RPH3AL: variants seen among roughly 807,000 people sequenced by gnomAD.
RPH3AL encodes the protein rab effector Noc2.
A neutral mutation model predicts 43.1 loss-of-function variants in RPH3AL; 38 were observed. That is an observed-to-expected ratio of 0.88 (90% confidence interval 0.68 to 1.15). The LOEUF is 1.15. Ranked by LOEUF, RPH3AL falls within the 50% of genes most tolerant of loss-of-function variation. The pLI is 0.00. For missense variants in RPH3AL, 462 were observed against 423.2 expected, an observed-to-expected ratio of 1.09 and a Z score of -0.81; for synonymous variants, 189 against 176.3, an observed-to-expected ratio of 1.07 and a Z score of -0.57.
intron 1 of RPH3AL, among the ~76,000 whole-genome samples, chr17:340,455 TCCCCACATCCACACTCACTGCCCCCCACC>T (rs2045085414): frequency 1.5e-5 from 1 of 67,482 alleles, no homozygotes; most frequent in Admixed American, 1.8e-4. Context: ...CACCCAGGCC[TCCCCACATCCACACTCACTGCCCCCCACC>T]CAGGCCTCCC....
At chr17:309,386 T>C (rs993289996) in intron 5 of RPH3AL, among the ~76,000 whole-genome samples, 3 of 149,788 alleles carry the variant, frequency 2.0e-5, no homozygotes, top group African/African-American at 7.3e-5. Context: ...CTTAGGAAAA[T>C]GGCATGTACC....
intron 6 of RPH3AL, among the ~76,000 whole-genome samples, chr17:278,152 C>A (rs914816473): frequency 2.6e-5 from 4 of 152,114 alleles, no homozygotes; most frequent in Non-Finnish European, 4.4e-5. Context: ...GTAATTGAAT[C>A]ATGGGGGCGG....
At chr17:327,607 G>T in intron 2 of RPH3AL, 28 bp from the exon 3 acceptor site, 1 of 1,483,786 alleles carries the variant, frequency 6.7e-7, no homozygotes, top group Non-Finnish European at 9.4e-7. Context: ...AGACGAAAGA[G>T]TGTGCATCAT....
intron 5 of RPH3AL, among the ~76,000 whole-genome samples, chr17:315,502 A>C (rs1555519172): frequency 4.5e-4 from 14 of 30,978 alleles, no homozygotes; most frequent in African/African-American, 8.8e-4. Flanking sequence ...AGTCCCTGTG[A>C]CTCCACCTCC....
At chr17:272,363 C>T (rs1353180576) in intron 6 of RPH3AL, among the ~76,000 whole-genome samples, 1 of 151,966 alleles carries the variant, frequency 6.6e-6, no homozygotes, top group Non-Finnish European at 1.5e-5. Flanking sequence ...CCCAAATGTC[C>T]ATCAGTGATA....
At position 219,827 on chromosome 17, in the gene RPH3AL, C is replaced by A. The variant is rs542699867; in HGVS notation, c.614-91G>T. ...GGGACGAGGGCAGGCCTCCCCAGCT[C>A]ATTACCACGTGGCGTAGCAGCTCAG... On this transcript the variant is annotated intron_variant, in intron 7 of 9. Coordinates refer to ENST00000331302, the MANE Select transcript of RPH3AL (RefSeq NM_006987.4). 1,232 of 905,390 alleles carry A rather than the reference C, an allele frequency of 1.4e-3. 5 individuals are homozygous for A. The highest frequency in any genetic ancestry group is 2.0e-3 in the Non-Finnish European group (1,075 of 545,972). 56.1% of individuals were successfully genotyped at this position (905,390 alleles called of 1,614,324 possible).
chr17:238,262 AAG>A (rs1314024006), intron 7 of RPH3AL, among the ~76,000 whole-genome samples: 1 of 151,832 alleles, frequency 6.6e-6, no homozygotes, highest in Non-Finnish European at 1.5e-5. Context: ...GAGAGAGAGA[AAG>A]AGAAAAAGAG....
At chr17:315,072 GCTCCACCTCCA>G (rs2043899989) in intron 5 of RPH3AL, among the ~76,000 whole-genome samples, 5 of 112,894 alleles carry the variant, frequency 4.4e-5, no homozygotes, top group African/African-American at 1.0e-4. Context: ...TAGTCCCTGT[GCTCCACCTCCA>G]CTGAATTGTA....
chr17:216,637 G>T (rs1035786248), intron 8 of RPH3AL, among the ~76,000 whole-genome samples: 3 of 152,118 alleles, frequency 2.0e-5, no homozygotes, highest in Admixed American at 1.3e-4. Context: ...CCTGGAAACC[G>T]AGGCTGGCAG....
rs1449527916 is a variant in RPH3AL at position 290,026 on chromosome 17, G to A, written c.352-8172C>T. On this transcript the variant is annotated intron_variant, in intron 5 of 9. Coordinates refer to ENST00000331302, the MANE Select transcript of RPH3AL (RefSeq NM_006987.4). This position sits in a 1 kb window ranked among gnomAD's most constrained non-coding sequence, Gnocchi z 4.2. Reference sequence around the variant, plus strand: ...CACGTCTATTTCTGTTCACCCTCCTGCTCCCTGTGCCCGGCACAGTGACTA... The same window carrying A: ...CACGTCTATTTCTGTTCACCCTCCTACTCCCTGTGCCCGGCACAGTGACTA... Among the ~76,000 whole-genome samples the A allele has an allele frequency of 6.6e-6, 1 of 152,192 alleles. No individual in the cohort carries two copies. The highest frequency in any genetic ancestry group is 1.5e-5 in the Non-Finnish European group (1 of 68,044).
At position 245,289 on chromosome 17, in the gene RPH3AL, GTGTGTGTGTGGA is replaced by G. The variant is rs760833540; in HGVS notation, c.613+1810_613+1821del. 8.6e-5 allele frequency among the ~76,000 whole-genome samples: 13 copies of G among 150,764 alleles called. No homozygotes were observed. The highest frequency in any genetic ancestry group is 1.5e-4 in the African/African-American group (6 of 41,032). On this transcript the variant is annotated intron_variant, in intron 7 of 9. Transcript: ENST00000331302. This position sits in a 1 kb window ranked among gnomAD's most constrained non-coding sequence, Gnocchi z 5.9. ...TGGATGTCAGTGTGTGTGTACGTGG[GTGTGTGTGTGGA>G]TGTGTGTGTGGATGTGGATGTCAGT...
intron 1 of RPH3AL, among the ~76,000 whole-genome samples, chr17:351,580 C>T (rs1203693770): frequency 2.0e-5 from 3 of 152,158 alleles, no homozygotes; most frequent in African/African-American, 7.2e-5. Flanking sequence ...TTCCATGAGC[C>T]TCTCTTTTTC....
intron 7 of RPH3AL, among the ~76,000 whole-genome samples, chr17:238,333 G>A (rs374992911): frequency 2.6e-5 from 4 of 152,026 alleles, no homozygotes; most frequent in East Asian, 1.9e-4. Context: ...GAGAGAAAGA[G>A]AAAAAGAGAG....
At chr17:341,047 C>A (rs556479534) in intron 1 of RPH3AL, 2 of 59,948 alleles carry the variant, frequency 3.3e-5, no homozygotes, top group African/African-American at 9.5e-5. Context: ...TCCACACTCA[C>A]TGCCCCTGCC....
chr17:302,202 GGGAGGAAACCGCA>G (rs1265878124), intron 5 of RPH3AL, among the ~76,000 whole-genome samples: 1 of 152,244 alleles, frequency 6.6e-6, no homozygotes, highest in Non-Finnish European at 1.5e-5. Flanking sequence ...CGAGCTGCCT[GGGAGGAAACCGCA>G]GGCAGGCCCG....
rs1476778581 is a variant in RPH3AL, at chr17:346,343, A to G, written c.-213+6369T>C. On this transcript the variant is annotated intron_variant, in intron 1 of 9. Coordinates refer to ENST00000331302, the MANE Select transcript of RPH3AL (RefSeq NM_006987.4). ...ACGCTGCTGATAAGGCATACCCAAGACTGGGCAATTTACAAAAGAAAGAGG... is the reference window on the plus strand; with the variant it reads ...ACGCTGCTGATAAGGCATACCCAAGGCTGGGCAATTTACAAAAGAAAGAGG... Among the ~76,000 whole-genome samples, 4 of 135,248 alleles carry G rather than the reference A, an allele frequency of 3.0e-5. 2 individuals carry two copies. The East Asian group carries it at 9.4e-4, about 32-fold the overall frequency. 88.7% of individuals were successfully genotyped at this position (135,248 alleles called of 152,430 possible).
rs1049119961 is a variant in RPH3AL at position 289,522 on chromosome 17, C to T, written c.352-7668G>A. Among the ~76,000 whole-genome samples, 1 of 152,180 alleles carries T rather than the reference C, an allele frequency of 6.6e-6. No homozygotes were observed. The highest frequency in any genetic ancestry group is 6.5e-5 in the Admixed American group (1 of 15,282). On this transcript the variant is annotated intron_variant, in intron 5 of 9. Transcript: ENST00000331302. This position sits in a 1 kb window ranked among gnomAD's most constrained non-coding sequence, Gnocchi z 5.2. ...ACCGCGCTGTCCTCCAGCTGGTTCC[C>T]GACATGGCAGCCAGGCCGATTTTCT...
chr17:284,715 G>A (rs187778503), intron 5 of RPH3AL, among the ~76,000 whole-genome samples: 1 of 152,192 alleles, frequency 6.6e-6, no homozygotes, highest in Non-Finnish European at 1.5e-5. Flanking sequence ...ACACAGCCAA[G>A]GGGGAGAGGA....
intron 7 of RPH3AL, among the ~76,000 whole-genome samples, chr17:237,209 C>T (rs370264186): frequency 1.3e-5 from 2 of 152,230 alleles, no homozygotes; most frequent in Admixed American, 1.3e-4. Context: ...CTTGCTTTCA[C>T]GCCACCACAA....
Sources: gnomAD v4.1 joint callset for allele counts (sites outside exome capture counted in the v4.1 genomes callset) on GRCh38, gnomAD v4.1.1 for gene constraint, Gnocchi (gnomAD v3.1) non-coding constraint, MANE v1.5 for transcripts, NCBI Gene and HGNC (gene_info 2026-07-23, HGNC 2026-07-21) for gene names.